Variants in RIMKLB observed in about 807,000 individuals in gnomAD.
RIMKLB encodes the protein beta-citrylglutamate synthase B.
In RIMKLB, 7 loss-of-function variants were observed where a neutral mutation model predicts 32.0. That is an observed-to-expected ratio of 0.22 (90% CI 0.12 to 0.41). The LOEUF is 0.41. RIMKLB is among the 10% of genes least tolerant of loss of function. The pLI is 1.00. For missense variants in RIMKLB, 289 were observed against 498.7 expected (o/e 0.58, Z 4.00); for synonymous variants, 172 against 185.1 (o/e 0.93, Z 0.57).
intron 1 of RIMKLB, among the ~76,000 whole-genome samples, chr12:8,699,019 T>C (rs1193029532): frequency 2.0e-5 from 3 of 152,146 alleles, no homozygotes; most frequent in African/African-American, 7.2e-5. Context: ...AATATGTCCT[T>C]ATCTCTGATC....
intron 2 of RIMKLB, among the ~76,000 whole-genome samples, chr12:8,720,124 A>C (rs1269390530): frequency 6.6e-6 from 1 of 152,240 alleles, no homozygotes; most frequent in Non-Finnish European, 1.5e-5. Flanking sequence ...GCCAGGATAG[A>C]GTCCGGATTT....
intron 1 of RIMKLB, among the ~76,000 whole-genome samples, chr12:8,692,068 C>G (rs1420448704): frequency 6.6e-6 from 1 of 151,980 alleles, no homozygotes; most frequent in African/African-American, 2.4e-5. Flanking sequence ...TCTAATGTGC[C>G]TTTCCATATT....
chr12:8,709,556 TAAG>T (rs1425703614), intron 1 of RIMKLB, among the ~76,000 whole-genome samples: 2 of 152,194 alleles, frequency 1.3e-5, no homozygotes, highest in African/African-American at 4.8e-5. Flanking sequence ...GGAGCACCCC[TAAG>T]AAGGCAAGCA....
chr12:8,702,095 C>A (rs1943457665), intron 1 of RIMKLB, among the ~76,000 whole-genome samples: 2 of 151,842 alleles, frequency 1.3e-5, no homozygotes, highest in African/African-American at 4.8e-5. Flanking sequence ...TACTCTCTTA[C>A]AATTTGATAT....
At chr12:8,777,711 C>T (rs1479993214), downstream of RIMKLB, 1 of 1,276,872 alleles carries the variant, frequency 7.8e-7, no homozygotes. Flanking sequence ...GGTCAGTGCC[C>T]TTCTAAACTC....
At chr12:8,674,466 C>T in the RIMKLB span, among the ~76,000 whole-genome samples, 1 of 151,782 alleles carries the variant, frequency 6.6e-6, no homozygotes, top group Non-Finnish European at 1.5e-5. Flanking sequence ...GTCTCGATCT[C>T]CTGACCTTGT....
chr12:8,722,395 G>T (rs1945541306), intron 2 of RIMKLB, among the ~76,000 whole-genome samples: 1 of 152,048 alleles, frequency 6.6e-6, no homozygotes, highest in African/African-American at 2.4e-5. Flanking sequence ...TGAGTAGTAG[G>T]TCTCAACAGT....
upstream of RIMKLB, among the ~76,000 whole-genome samples, chr12:8,677,202 CCCTAATAGCTCAACATGTCTGGG>C (rs1339372835): frequency 6.6e-6 from 1 of 152,156 alleles, no homozygotes; most frequent in Non-Finnish European, 1.5e-5. Context: ...CAAGCTAAAT[CCCTAATAGCTCAACATGTCTGGG>C]ACAGAATTGT....
intron 5 of RIMKLB, among the ~76,000 whole-genome samples, chr12:8,769,419 A>C (rs1275232443): frequency 6.6e-6 from 1 of 152,160 alleles, no homozygotes; most frequent in African/African-American, 2.4e-5. Flanking sequence ...CGTGTTTTCT[A>C]TAAGCAGTAT....
chr12:8,703,200 T>TG (rs1943551976), intron 1 of RIMKLB, among the ~76,000 whole-genome samples: 1 of 151,948 alleles, frequency 6.6e-6, no homozygotes, highest in Non-Finnish European at 1.5e-5. Flanking sequence ...GCAGGAGAAT[T>TG]GCTTGAACCC....
chr12:8,754,425 A>G (rs540181477), intron 5 of RIMKLB, among the ~76,000 whole-genome samples: 4 of 152,202 alleles, frequency 2.6e-5, no homozygotes, highest in Non-Finnish European at 5.9e-5. Context: ...TGGAGTTCCT[A>G]TAAGATGTCA....
At chr12:8,726,453 C>T (rs1008959713) in intron 2 of RIMKLB, among the ~76,000 whole-genome samples, 3 of 152,128 alleles carry the variant, frequency 2.0e-5, no homozygotes, top group Admixed American at 6.5e-5. Context: ...AATCTTTTGT[C>T]AGTTATATTA....
intron 2 of RIMKLB, among the ~76,000 whole-genome samples, chr12:8,733,592 G>A (rs908382539): frequency 2.6e-5 from 4 of 152,206 alleles, no homozygotes; most frequent in African/African-American, 7.2e-5. Flanking sequence ...ATTGATTCAG[G>A]CTGGGCATGG....
upstream of RIMKLB, among the ~76,000 whole-genome samples, chr12:8,694,387 A>ATTTTTTTTTTTTTTTT (rs769859426): frequency 8.4e-5 from 10 of 119,090 alleles, 1 homozygote; most frequent in African/African-American, 2.9e-4. Context: ...ATCCTGTTGA[A>ATTTTTTTTTTTTTTTT]TTTTTTTTCT....
At position 8,732,754 on chromosome 12, in the gene RIMKLB, T is replaced by TACAC. The variant is rs796544776; in HGVS notation, c.176-17107_176-17106insCACA. On this transcript the variant is annotated intron_variant, in intron 2 of 5. Coordinates refer to ENST00000535829, the MANE Select transcript of RIMKLB (RefSeq NM_001297776.2). ...TGCATGCAACAGAAAATTATATATA[T>TACAC]ATACACACACACACACACACACACA... is the stretch of plus-strand genomic sequence containing the variant. 2.1e-3 allele frequency among the ~76,000 whole-genome samples: 297 copies of TACAC among 144,810 alleles called. 2 individuals carry two copies. Among genetic ancestry groups the TACAC allele is most frequent in the African/African-American group, 8.0e-3 (280 of 34,882 alleles).
chr12:8,720,268 G>A (rs1945305177), intron 2 of RIMKLB, among the ~76,000 whole-genome samples: 1 of 152,172 alleles, frequency 6.6e-6, no homozygotes, highest in Non-Finnish European at 1.5e-5. Context: ...CATATCATCA[G>A]TAACATTCTT....
intron 1 of RIMKLB, among the ~76,000 whole-genome samples, chr12:8,688,365 T>C (rs1942639017): frequency 6.6e-6 from 1 of 151,774 alleles, no homozygotes; most frequent in Non-Finnish European, 1.5e-5. Context: ...GGGGGCAACA[T>C]GAGAGGGAAA....
At chr12:8,687,090 A>G (rs1942599524) in intron 1 of RIMKLB, among the ~76,000 whole-genome samples, 1 of 152,198 alleles carries the variant, frequency 6.6e-6, no homozygotes. Flanking sequence ...GTATTTCTCA[A>G]ATTTGAGTAT....
chr12:8,726,909 T>A (rs1043834044), intron 2 of RIMKLB, among the ~76,000 whole-genome samples: 3 of 152,238 alleles, frequency 2.0e-5, no homozygotes, highest in Non-Finnish European at 4.4e-5. Flanking sequence ...TTTTTTGCCC[T>A]TTGTCATTTT....
Sources: allele counts gnomAD v4.1 joint callset (sites outside exome capture counted in the v4.1 genomes callset), GRCh38; gene constraint gnomAD v4.1.1; transcripts MANE v1.5; gene names NCBI Gene and HGNC (gene_info 2026-07-23, HGNC 2026-07-21).